The following INPP4B variants were observed in gnomAD, a reference collection of about 807,000 sequenced individuals.
The protein encoded by INPP4B is inositol polyphosphate 4-phosphatase type II.
Under a neutral mutation model 122.5 loss-of-function variants are expected in INPP4B, and 55 were observed. That is an observed-to-expected ratio of 0.45 (90% CI 0.36 to 0.56). The LOEUF (loss-of-function observed/expected upper bound fraction) is 0.56. Among genes scored for constraint, INPP4B ranks in the 20% least tolerant of loss-of-function variants. The pLI is 0.00. For synonymous variants in INPP4B, 403 were observed against 388.7 expected (o/e 1.04, Z -0.43); for missense variants, 1,000 against 1,097.7 (o/e 0.91, Z 1.26).
At chr4:142,132,032 C>T (rs550413344) in intron 18 of INPP4B, among the ~76,000 whole-genome samples, 4 of 151,684 alleles carry the variant, frequency 2.6e-5, no homozygotes, top group South Asian at 4.2e-4. Context: ...TCCTCTATCT[C>T]GGTTTCTCTG....
intron 2 of INPP4B, among the ~76,000 whole-genome samples, chr4:142,636,536 C>T (rs1749202166): frequency 6.6e-6 from 1 of 151,936 alleles, no homozygotes; most frequent in Non-Finnish European, 1.5e-5. Context: ...TGAAAGAAGG[C>T]ACTAAATAAA....
chr4:142,441,624 T>A (rs1283655301), intron 3 of INPP4B, among the ~76,000 whole-genome samples: 1 of 151,938 alleles, frequency 6.6e-6, no homozygotes, highest in Non-Finnish European at 1.5e-5. Flanking sequence ...ATGCATATAG[T>A]GAGAAGAAGA....
chr4:142,628,579 AAG>A (rs578013140), intron 2 of INPP4B, among the ~76,000 whole-genome samples: 3,627 of 149,688 alleles, frequency 0.024, 62 homozygotes, highest in Non-Finnish European at 0.039. Context: ...AAAAAAAAAA[AAG>A]AATTGTTCTT....
chr4:142,795,034 GA>G (rs1316706559), intron 1 of INPP4B: 1 of 151,680 alleles, frequency 6.6e-6, no homozygotes, highest in African/African-American at 2.4e-5. Context: ...TATAATTCAG[GA>G]ATAAAGTTGA....
chr4:142,793,826 A>G (rs373429005), intron 1 of INPP4B, among the ~76,000 whole-genome samples: 63 of 152,204 alleles, frequency 4.1e-4, no homozygotes, highest in African/African-American at 1.4e-3. Flanking sequence ...AAAAAAATCC[A>G]CAAAGTAGTT....
chr4:142,773,805 T>C (rs962178235), intron 1 of INPP4B, among the ~76,000 whole-genome samples: 2 of 152,176 alleles, frequency 1.3e-5, no homozygotes, highest in Non-Finnish European at 2.9e-5. Context: ...GTGACTAAAA[T>C]TTCTGCTGTT....
chr4:142,411,763 G>A (rs552113682), intron 5 of INPP4B, among the ~76,000 whole-genome samples: 4 of 152,158 alleles, frequency 2.6e-5, no homozygotes, highest in Non-Finnish European at 4.4e-5. Flanking sequence ...ATGGTGATGC[G>A]CGTTTGTAAT....
chr4:142,298,570 A>G (rs2151080293), intron 9 of INPP4B, among the ~76,000 whole-genome samples: 1 of 150,782 alleles, frequency 6.6e-6, no homozygotes, highest in Non-Finnish European at 1.5e-5. Context: ...CTATAATCCC[A>G]GCTACTCTGG....
chr4:142,211,725 C>T (rs775309758), intron 12 of INPP4B, among the ~76,000 whole-genome samples: 2 of 152,172 alleles, frequency 1.3e-5, no homozygotes, highest in South Asian at 2.1e-4. Flanking sequence ...TATGTTTCAT[C>T]GATAAAGAGT....
At chr4:142,519,237 T>C (rs1449266531) in intron 2 of INPP4B, among the ~76,000 whole-genome samples, 1 of 152,132 alleles carries the variant, frequency 6.6e-6, no homozygotes, top group African/African-American at 2.4e-5. Context: ...TTTGTGTCCA[T>C]TGCTATACCT....
chr4:142,234,515 C>T (rs1486883483), intron 12 of INPP4B, among the ~76,000 whole-genome samples: 1 of 152,124 alleles, frequency 6.6e-6, no homozygotes, highest in Non-Finnish European at 1.5e-5. Flanking sequence ...CAAGCTTTTC[C>T]TATTTCCCCT....
intron 25 of INPP4B, among the ~76,000 whole-genome samples, chr4:142,076,767 G>C (rs141320413): frequency 0.01 from 1,594 of 151,920 alleles, 29 homozygotes; most frequent in African/African-American, 0.037. Context: ...AAAAATAGCT[G>C]CAAGCTTCAA....
chr4:142,428,038 T>C (rs1222033276), intron 5 of INPP4B, among the ~76,000 whole-genome samples: 2 of 151,900 alleles, frequency 1.3e-5, no homozygotes, highest in East Asian at 3.9e-4. Flanking sequence ...AATTTAAAAA[T>C]CTTTAATATT....
intron 17 of INPP4B, among the ~76,000 whole-genome samples, chr4:142,150,312 C>A (rs903750702): frequency 1.1e-4 from 17 of 152,162 alleles, no homozygotes; most frequent in Admixed American, 1.0e-3. Context: ...CTTCCAGCCC[C>A]TCCAGATCCT....
At chr4:142,294,829 CAAAAA>C (rs57430432) in intron 9 of INPP4B, among the ~76,000 whole-genome samples, 45 of 28,476 alleles carry the variant, frequency 1.6e-3, no homozygotes, top group South Asian at 0.013. Flanking sequence ...GACTCCGTCT[CAAAAA>C]AAAAAAAAAA....
rs184503172 is a variant in INPP4B at position 142,380,885 on chromosome 4, A to T, written c.372+22053T>A. Among the ~76,000 whole-genome samples the T allele has an allele frequency of 3.2e-4, 49 of 152,208 alleles. 1 individual carries two copies. The East Asian group carries it at 6.6e-3, about 20-fold the overall frequency. On this transcript the variant is annotated intron_variant, in intron 7 of 25. Coordinates refer to ENST00000262992, the MANE Select transcript of INPP4B (RefSeq NM_001101669.3). ...CTGAAACATCCTGCTTTTCCCAATC[A>T]TGCAATATTTTGTGGTTCTTCGAAG...
intron 2 of INPP4B, among the ~76,000 whole-genome samples, chr4:142,637,288 T>G (rs1048709753): frequency 1.3e-5 from 2 of 152,162 alleles, no homozygotes; most frequent in African/African-American, 4.8e-5. Flanking sequence ...TATACACCAT[T>G]GTAGTACAGT....
At chr4:142,119,052 T>A (rs1287234776) in intron 21 of INPP4B, among the ~76,000 whole-genome samples, 2 of 152,128 alleles carry the variant, frequency 1.3e-5, no homozygotes, top group East Asian at 3.9e-4. Flanking sequence ...AATATGCTCA[T>A]CATCACTGGC....
chr4:142,347,091 A>G (rs13121184), intron 7 of INPP4B, among the ~76,000 whole-genome samples: 6 of 152,018 alleles, frequency 3.9e-5, no homozygotes, highest in Admixed American at 3.9e-4. Flanking sequence ...TAGATAACCA[A>G]CCGTATCTTT....
Sources: gnomAD v4.1 joint callset for allele counts (sites outside exome capture counted in the v4.1 genomes callset) on GRCh38, gnomAD v4.1.1 for gene constraint, MANE v1.5 for transcripts, NCBI Gene and HGNC (gene_info 2026-07-23, HGNC 2026-07-21) for gene names.